CCNT2: variants seen among roughly 807,000 people sequenced by gnomAD.
CCNT2 encodes the protein cyclin T2, also known as cyclin-T2.
CCNT2 carries 18 observed loss-of-function variants against 70.0 expected under a neutral mutation model. The ratio of observed to expected loss-of-function variants is 0.26; its 90% CI spans 0.18 to 0.38. CCNT2 has a LOEUF of 0.38. Ranked by LOEUF, CCNT2 falls within the 10% of genes least tolerant of loss-of-function variation. CCNT2 has a pLI of 1.00. For missense variants in CCNT2, 734 were observed against 890.2 expected, an observed-to-expected ratio of 0.82 and a Z score of 2.23; for synonymous variants, 334 against 313.3, an observed-to-expected ratio of 1.07 and a Z score of -0.70.
chr2:134,922,396 C>T (rs1679979088), intron 2 of CCNT2, among the ~76,000 whole-genome samples: 1 of 151,988 alleles, frequency 6.6e-6, no homozygotes, highest in African/African-American at 2.4e-5. Flanking sequence ...GTTTTAAAAC[C>T]CCCAAAAGTA....
At chr2:134,925,653 T>TTA (rs1321795141) in intron 2 of CCNT2, among the ~76,000 whole-genome samples, 2 of 152,018 alleles carry the variant, frequency 1.3e-5, no homozygotes, top group East Asian at 1.9e-4. Flanking sequence ...CTAGACCACA[T>TTA]TATATATATA....
intron 5 of CCNT2, chr2:134,943,501 T>C: frequency 1.0e-6 from 1 of 984,146 alleles, no homozygotes; most frequent in Non-Finnish European, 1.2e-6. Context: ...TTGACATTAC[T>C]AAAAGTGGTT....
At chr2:134,935,959 G>C (rs927404150) in intron 2 of CCNT2, among the ~76,000 whole-genome samples, 4 of 151,958 alleles carry the variant, frequency 2.6e-5, no homozygotes, top group Non-Finnish European at 5.9e-5. Context: ...TTTATGTTCA[G>C]AATCCTCCTT....
chr2:134,928,277 T>TC (rs1395306608), intron 2 of CCNT2, among the ~76,000 whole-genome samples: 1 of 141,574 alleles, frequency 7.1e-6, no homozygotes, highest in African/African-American at 2.6e-5. Flanking sequence ...TGTATTTCTT[T>TC]TTTTTTTTTT....
In CCNT2 at chr2:134,957,204, C is replaced by G. The variant is rs946305107; in HGVS notation, c.*2556C>G. 6.6e-6 allele frequency: 1 copy of G among 152,080 alleles called. No homozygotes were observed. The highest frequency in any genetic ancestry group is 2.4e-5 in the African/African-American group (1 of 41,406). 9.4% of individuals were successfully genotyped at this position (152,080 alleles called of 1,614,324 possible). A position where few individuals can be genotyped will look rare whatever the true frequency, so the allele number is the denominator to read the frequency against. On this transcript the variant is annotated 3_prime_UTR_variant, in exon 9 of 9. Coordinates refer to ENST00000264157, the MANE Select transcript of CCNT2 (RefSeq NM_058241.3). ...TTGCATAACAGTTCATCTGTCTGGT[C>G]CCATTAGGCTCTACCAAAGAAAGAC... is the stretch of plus-strand genomic sequence containing the variant.
chr2:134,951,456 A>C (rs1473108549), intron 7 of CCNT2, among the ~76,000 whole-genome samples: 2 of 152,232 alleles, frequency 1.3e-5, no homozygotes, highest in African/African-American at 4.8e-5. Context: ...TCAGAATTTT[A>C]AGAAAGTTGG....
chr2:134,930,407 A>C (rs1680655246), intron 2 of CCNT2, among the ~76,000 whole-genome samples: 1 of 152,168 alleles, frequency 6.6e-6, no homozygotes, highest in Non-Finnish European at 1.5e-5. Flanking sequence ...ATTTGGGTTG[A>C]TTACACTTAA....
In CCNT2 at chr2:134,954,978, C is replaced by G. The variant is rs899502082; in HGVS notation, c.*330C>G. On this transcript the variant is annotated 3_prime_UTR_variant, in exon 9 of 9. Transcript: ENST00000264157. ...GCATTCATTATTTATGATTTGAATA[C>G]TGTAGCTATTTTTTGTTGCTTGGCT... The G allele has an allele frequency of 9.2e-5, 20 of 216,574 alleles. No individual in the cohort carries two copies. Among genetic ancestry groups the G allele is most frequent in the Admixed American group, 7.1e-4 (14 of 19,744 alleles). 13.4% of individuals were successfully genotyped at this position (216,574 alleles called of 1,614,324 possible).
Position 134,946,132 on chromosome 2 carries a change from C to T in CCNT2, c.525C>T (p.Phe175=). 6.3e-7 allele frequency: 1 copy of T among 1,594,958 alleles called. No homozygotes were observed. The highest frequency in any genetic ancestry group is 8.5e-7 in the Non-Finnish European group (1 of 1,170,948). ...AGGATTTGGCACAGACATCCTATTT[C>T]ATGGCTACCAACAGGTTGTTATCCT... The part of the protein sequence containing the change: ...ASKDLAQTSY[F]MATNSLHLTT... Residue 175 remains phenylalanine (F), a synonymous_variant, in exon 6 of 9, where the codon TTC becomes TTT. Coordinates refer to ENST00000264157, the MANE Select transcript of CCNT2 (RefSeq NM_058241.3).
At chr2:134,919,527 G>GT (rs1193684555) in intron 1 of CCNT2, among the ~76,000 whole-genome samples, 2 of 152,098 alleles carry the variant, frequency 1.3e-5, no homozygotes, top group African/African-American at 4.8e-5. Context: ...CGTTTCAACT[G>GT]TTTCATTTTG....
At chr2:134,926,851 G>A (rs1680335645) in intron 2 of CCNT2, among the ~76,000 whole-genome samples, 1 of 152,172 alleles carries the variant, frequency 6.6e-6, no homozygotes, top group South Asian at 2.1e-4. Context: ...TTTCTGTGGG[G>A]ATTTAAGTAT....
chr2:134,953,490 A>G lies in CCNT2; in HGVS notation c.1035A>G (p.Leu345=), dbSNP rs1196027808. The change falls in exon 9 of 9, where the codon TTA becomes TTG. Residue 345 remains leucine, a synonymous_variant. Coordinates refer to ENST00000264157, the MANE Select transcript of CCNT2 (RefSeq NM_058241.3). ...GAATGCCAAGTACTTCATACGGTTT[A>G]TCATCACACCAGGAATGGCCTCAAC... ...ATGMPSTSYG[L]SSHQEWPQHQ... 1 of 1,614,230 alleles carries G rather than the reference A, an allele frequency of 6.2e-7. No homozygotes were observed. Among genetic ancestry groups the G allele is most frequent in the Non-Finnish European group, 8.5e-7 (1 of 1,180,036 alleles).
At chr2:134,920,594 G>C (rs1040304179) in intron 2 of CCNT2, among the ~76,000 whole-genome samples, 2 of 152,288 alleles carry the variant, frequency 1.3e-5, no homozygotes, top group South Asian at 4.1e-4. Context: ...TGAAAGATAC[G>C]AGTTTGGTGT....
intron 2 of CCNT2, among the ~76,000 whole-genome samples, chr2:134,929,920 G>A (rs1036173982): frequency 5.3e-5 from 8 of 151,426 alleles, no homozygotes; most frequent in Non-Finnish European, 8.8e-5. Flanking sequence ...CAAAGTGCTG[G>A]GATTACAGGC....
At position 134,957,147 on chromosome 2, in the gene CCNT2, A is replaced by G. The variant is rs1682976613; in HGVS notation, c.*2499A>G. On this transcript the variant is annotated 3_prime_UTR_variant, in exon 9 of 9. Coordinates refer to ENST00000264157, the MANE Select transcript of CCNT2 (RefSeq NM_058241.3). ...CATTAAACAAAAACCCTTATAATTC[A>G]TACTATCATGAATTTGCTTTATCCA... 6.6e-6 allele frequency: 1 copy of G among 152,270 alleles called. No homozygotes were observed. The allele number at this position is 152,270 out of a possible 1,614,324, so 9.4% of individuals were successfully genotyped here.
chr2:134,946,685 T>G (rs1681996421), intron 6 of CCNT2, among the ~76,000 whole-genome samples: 1 of 143,284 alleles, frequency 7.0e-6, no homozygotes, highest in Admixed American at 7.7e-5. Context: ...ATTTTTCCTT[T>G]TTTTTTTTTT....
chr2:134,957,201 G>A lies in CCNT2; in HGVS notation c.*2553G>A, dbSNP rs1449716653. On this transcript the variant is annotated 3_prime_UTR_variant, in exon 9 of 9. Coordinates refer to ENST00000264157, the MANE Select transcript of CCNT2 (RefSeq NM_058241.3). ...CATTTGCATAACAGTTCATCTGTCT[G>A]GTCCCATTAGGCTCTACCAAAGAAA... 6.6e-6 allele frequency: 1 copy of A among 152,010 alleles called. No individual in the cohort carries two copies. Among genetic ancestry groups the A allele is most frequent in the Non-Finnish European group, 1.5e-5 (1 of 67,990 alleles). The allele number at this position is 152,010 out of a possible 1,614,324, so 9.4% of individuals were successfully genotyped here.
chr2:134,934,089 A>C (rs4344970), intron 2 of CCNT2, among the ~76,000 whole-genome samples: 1 of 152,046 alleles, frequency 6.6e-6, no homozygotes, highest in Admixed American at 6.5e-5. Context: ...TATTTGTCTC[A>C]TTTTGAGAAT....
intron 5 of CCNT2, chr2:134,945,661 T>C (rs2105070250): frequency 8.2e-7 from 1 of 1,225,004 alleles, no homozygotes; most frequent in Admixed American, 3.4e-5. Flanking sequence ...TTTTGTTTTG[T>C]TTTTGATGGA....
Sources: gnomAD v4.1 joint callset for allele counts (sites outside exome capture counted in the v4.1 genomes callset) on GRCh38, gnomAD v4.1.1 for gene constraint, MANE v1.5 for transcripts, NCBI Gene and HGNC (gene_info 2026-07-23, HGNC 2026-07-21) for gene names.